The following CGGBP1 variants were observed in gnomAD, a reference collection of about 807,000 sequenced individuals.
CGGBP1 encodes CGG triplet repeat-binding protein 1.
In CGGBP1, 4 loss-of-function variants were observed where a neutral mutation model predicts 11.4. That is an observed-to-expected ratio of 0.35 (90% CI 0.17 to 0.80). The LOEUF is 0.80. Ranked by LOEUF, CGGBP1 falls within the 30% of genes least tolerant of loss-of-function variation. CGGBP1 has a pLI of 0.52. For synonymous variants in CGGBP1, 76 were observed against 74.1 expected (o/e 1.03, Z -0.13); for missense variants, 135 against 202.1 (o/e 0.67, Z 2.01).
intron 2 of CGGBP1, among the ~76,000 whole-genome samples, chr3:88,119,390 T>TAGGGGGA (rs1559722812): frequency 2.4e-5 from 1 of 41,958 alleles, no homozygotes; most frequent in Non-Finnish European, 4.3e-5. Flanking sequence ...TGTTGTGGGG[T>TAGGGGGA]GGGGGGAGGG....
At chr3:88,092,020 G>A (rs1364172208) in intron 2 of CGGBP1, among the ~76,000 whole-genome samples, 1 of 152,170 alleles carries the variant, frequency 6.6e-6, no homozygotes, top group African/African-American at 2.4e-5. Flanking sequence ...GATGTTCAAT[G>A]TAAGGCAAAA....
chr3:88,147,458 A>G (rs1201958364), intron 1 of CGGBP1, among the ~76,000 whole-genome samples: 2 of 152,188 alleles, frequency 1.3e-5, no homozygotes, highest in African/African-American at 2.4e-5. Context: ...TGATAAGGGA[A>G]CCACTGACTA....
chr3:88,056,184 T>C, intron 3 of CGGBP1, 185 bp from the exon 4 acceptor site: 1 of 493,794 alleles, frequency 2.0e-6, no homozygotes, highest in East Asian at 3.3e-5. Context: ...CTAGAACAAG[T>C]TACTAACCAG....
At chr3:88,135,167 G>A (rs1260268518) in intron 2 of CGGBP1, 3 of 1,481,764 alleles carry the variant, frequency 2.0e-6, no homozygotes, top group Non-Finnish European at 2.7e-6. Context: ...TAATGTGAGA[G>A]TCATATTTCC....
intron 2 of CGGBP1, among the ~76,000 whole-genome samples, chr3:88,107,185 T>C (rs902764477): frequency 3.9e-5 from 6 of 152,200 alleles, no homozygotes; most frequent in Non-Finnish European, 8.8e-5. Context: ...GTATACACTT[T>C]ATATACTTTA....
rs1706443003 is a variant in CGGBP1 at position 88,052,168 on chromosome 3, T to G, written c.*3305A>C. The G allele has an allele frequency of 6.6e-6, 1 of 152,604 alleles. No homozygotes were observed. The allele number at this position is 152,604 out of a possible 1,614,324, so 9.5% of individuals were successfully genotyped here. The stretch of plus-strand genomic sequence containing the variant: ...TTTAATACAGTATTCTGAATACAAG[T>G]AGAATACCACTAGATAAGAATTGTA... On this transcript the variant is annotated 3_prime_UTR_variant, in exon 4 of 4. Transcript: ENST00000482016.
At chr3:88,056,028 T>C (rs768362067) in intron 3 of CGGBP1, 29 bp from the exon 4 acceptor site, 4 of 1,485,062 alleles carry the variant, frequency 2.7e-6, no homozygotes, top group Non-Finnish European at 3.7e-6. Flanking sequence ...CAAAGATGAG[T>C]ATTATAACAA....
At chr3:88,069,956 A>G (rs1707414003) in intron 2 of CGGBP1, among the ~76,000 whole-genome samples, 1 of 152,194 alleles carries the variant, frequency 6.6e-6, no homozygotes, top group Non-Finnish European at 1.5e-5. Context: ...CCCAAATACA[A>G]TGGATGTGTT....
At chr3:88,140,178 A>G (rs771937801) in intron 2 of CGGBP1, 3 of 1,613,722 alleles carry the variant, frequency 1.9e-6, no homozygotes, top group Admixed American at 1.7e-5. Flanking sequence ...CCAGCACACA[A>G]AAAGTCACAG....
At chr3:88,147,343 G>A (rs1461337684) in intron 1 of CGGBP1, among the ~76,000 whole-genome samples, 6 of 152,186 alleles carry the variant, frequency 3.9e-5, no homozygotes, top group Non-Finnish European at 8.8e-5. Context: ...GCAGGAACCT[G>A]ACTAAAGTAT....
upstream of CGGBP1, chr3:88,059,192 G>C: frequency 7.0e-7 from 1 of 1,437,770 alleles, no homozygotes. Context: ...GAGCCCAGCC[G>C]AGAGGCCCCT....
At chr3:88,083,745 A>G (rs1658959384) in intron 2 of CGGBP1, among the ~76,000 whole-genome samples, 1 of 152,146 alleles carries the variant, frequency 6.6e-6, no homozygotes, top group South Asian at 2.1e-4. Context: ...TATTTGTTTT[A>G]GCAGCTTCAG....
intron 2 of CGGBP1, among the ~76,000 whole-genome samples, chr3:88,127,407 G>C (rs1314548788): frequency 2.0e-5 from 3 of 151,182 alleles, no homozygotes; most frequent in Non-Finnish European, 2.9e-5. Context: ...GGGGTAAAAA[G>C]GACACTGGTG....
rs1559701696 is a variant in CGGBP1 at position 88,088,761 on chromosome 3, T to TGGATGG, written c.-228-30539_-228-30538insCCATCC. Among the ~76,000 whole-genome samples, 612 of 126,470 alleles carry TGGATGG rather than the reference T, an allele frequency of 4.8e-3. 2 individuals are homozygous for TGGATGG. Among genetic ancestry groups the TGGATGG allele is most frequent in the East Asian group, 0.014 (56 of 4,068 alleles). 83.0% of individuals were successfully genotyped at this position (126,470 alleles called of 152,430 possible). On this transcript the variant is annotated intron_variant, in intron 2 of 3. Transcript: ENST00000462901. ...ACCTTTATTTATGTATGTATGTATGTATGGATGGATGGATGGATGGATGGA... is the reference window on the plus strand; with the variant it reads ...ACCTTTATTTATGTATGTATGTATGTGGATGGATGGATGGATGGATGGATGGATGGA...
chr3:88,142,716 A>T lies in CGGBP1; in HGVS notation c.-337-1638T>A, dbSNP rs1233437463. On this transcript the variant is annotated intron_variant, in intron 1 of 3. Transcript: ENST00000462901. Reference sequence around the variant, plus strand: ...AGGTAATTCCAAAATAAGCCATACTATTCCTGTTTTTTTAATTCATTAGTG... The same window carrying T: ...AGGTAATTCCAAAATAAGCCATACTTTTCCTGTTTTTTTAATTCATTAGTG... 3 of 152,274 alleles carry T rather than the reference A, an allele frequency of 2.0e-5. 1 individual carries two copies. The highest frequency in any genetic ancestry group is 4.4e-5 in the Non-Finnish European group (3 of 67,806). The allele number at this position is 152,274 out of a possible 1,614,324, so 9.4% of individuals were successfully genotyped here.
At chr3:88,115,282 C>A (rs879423581) in intron 2 of CGGBP1, among the ~76,000 whole-genome samples, 1 of 152,160 alleles carries the variant, frequency 6.6e-6, no homozygotes, top group Non-Finnish European at 1.5e-5. Context: ...ACTTCTCTTT[C>A]CCCCCGCTGT....
chr3:88,111,534 G>T (rs1559717546), intron 2 of CGGBP1, among the ~76,000 whole-genome samples: 1 of 151,624 alleles, frequency 6.6e-6, no homozygotes, highest in Non-Finnish European at 1.5e-5. Flanking sequence ...TCTCACTAAT[G>T]TTCCGTTAAT....
chr3:88,119,020 C>A (rs1433920163), intron 2 of CGGBP1, among the ~76,000 whole-genome samples: 48 of 149,440 alleles, frequency 3.2e-4, no homozygotes, highest in Non-Finnish European at 5.0e-4. Flanking sequence ...TTTGACCCAG[C>A]CATCCCATTA....
intron 2 of CGGBP1, among the ~76,000 whole-genome samples, chr3:88,135,811 A>G (rs985623613): frequency 2.0e-5 from 3 of 152,154 alleles, no homozygotes; most frequent in East Asian, 1.9e-4. Flanking sequence ...CAAAATATCA[A>G]TAAGACTTCG....
Sources: gnomAD v4.1 joint callset for allele counts (sites outside exome capture counted in the v4.1 genomes callset) on GRCh38, gnomAD v4.1.1 for gene constraint, MANE v1.5 for transcripts, NCBI Gene and HGNC (gene_info 2026-07-23, HGNC 2026-07-21) for gene names.